The following ATP6V0D2 variants were observed in gnomAD, a reference collection of about 807,000 sequenced individuals.
ATP6V0D2 encodes V-type proton ATPase subunit d 2.
A neutral mutation model predicts 40.0 loss-of-function variants in ATP6V0D2; 40 were observed. That is an observed-to-expected ratio of 1.00 (90% CI 0.78 to 1.30). The LOEUF (loss-of-function observed/expected upper bound fraction) is 1.30. Ranked by LOEUF, ATP6V0D2 falls within the 50% of genes most tolerant of loss-of-function variation. ATP6V0D2 has a pLI of 0.00. For missense variants in ATP6V0D2, 470 were observed against 423.1 expected, an observed-to-expected ratio of 1.11 and a Z score of -0.97; for synonymous variants, 179 against 156.3, an observed-to-expected ratio of 1.15 and a Z score of -1.08.
chr8:86,136,202 C>T (rs889487765), intron 2 of ATP6V0D2, among the ~76,000 whole-genome samples: 1 of 152,258 alleles, frequency 6.6e-6, no homozygotes, highest in East Asian at 1.9e-4. Flanking sequence ...TTGCTCATTG[C>T]AATATGGAGC....
Position 86,150,136 on chromosome 8 carries a change from A to T in ATP6V0D2, c.664A>T (p.Ile222Phe), listed in dbSNP as rs761740683. Residue 222 changes from isoleucine (I) to phenylalanine (F), a missense_variant, in exon 6 of 8, where the codon ATC becomes TTC. Physicochemically the swap from Ile to Phe is conservative, Grantham distance 21 (BLOSUM62 0). Transcript: ENST00000285393. ...GTTTGAGGCCGACAGACGTGCTTTTATCATCACTCTTAACTCCTTTGGCAC... is the reference window on the plus strand; with the variant it reads ...GTTTGAGGCCGACAGACGTGCTTTTTTCATCACTCTTAACTCCTTTGGCAC... Reference protein sequence around the residue: ...LEFEADRRAFIITLNSFGTEL... With the variant: ...LEFEADRRAFFITLNSFGTEL... 1.2e-6 allele frequency: 2 copies of T among 1,612,864 alleles called. No individual in the cohort carries two copies. The highest frequency in any genetic ancestry group is 1.7e-6 in the Non-Finnish European group (2 of 1,179,636).
chr8:86,126,262 A>ATATATATATATATATATATT (rs1191399026), intron 2 of ATP6V0D2, among the ~76,000 whole-genome samples: 5 of 131,338 alleles, frequency 3.8e-5, no homozygotes, highest in African/African-American at 1.1e-4. Flanking sequence ...ATATATATAT[A>ATATATATATATATATATATT]TCTTTTTGTA....
intron 2 of ATP6V0D2, among the ~76,000 whole-genome samples, chr8:86,135,007 C>T (rs1270703355): frequency 2.0e-5 from 3 of 151,424 alleles, no homozygotes; most frequent in East Asian, 2.0e-4. Context: ...AGAACTGATT[C>T]GCATTTTCTA....
chr8:86,139,343 A>G (rs921631644), intron 2 of ATP6V0D2, 114 bp from the exon 3 acceptor site: 5 of 799,192 alleles, frequency 6.3e-6, no homozygotes, highest in Non-Finnish European at 7.6e-6. Context: ...AAAGAGACTC[A>G]TGTATTTTCT....
At chr8:86,114,388 G>A (rs927049281) in intron 2 of ATP6V0D2, among the ~76,000 whole-genome samples, 8 of 152,152 alleles carry the variant, frequency 5.3e-5, no homozygotes, top group African/African-American at 1.9e-4. Context: ...CAAAATATTT[G>A]GGGCCGGGAG....
At chr8:86,149,998 C>CA (rs1008241607) in intron 5 of ATP6V0D2, 114 bp from the exon 6 acceptor site, 2 of 982,232 alleles carry the variant, frequency 2.0e-6, no homozygotes, top group African/African-American at 3.3e-5. Context: ...TATAATTAGA[C>CA]ATAGATCCAG....
At chr8:86,113,628 A>G in intron 1 of ATP6V0D2, 81 bp from the exon 2 acceptor site, 1 of 1,239,164 alleles carries the variant, frequency 8.1e-7, no homozygotes, top group Non-Finnish European at 1.1e-6. Context: ...ACACAAAATT[A>G]GCATGAATTC....
At chr8:86,105,616 C>CTTTTTTTTTTTTTTTTT (rs1401385712) in intron 1 of ATP6V0D2, among the ~76,000 whole-genome samples, 1 of 131,170 alleles carries the variant, frequency 7.6e-6, no homozygotes. Context: ...CTTCTTTTTT[C>CTTTTTTTTTTTTTTTTT]TTTTCTTTTT....
At chr8:86,132,261 C>A (rs542118300) in intron 2 of ATP6V0D2, among the ~76,000 whole-genome samples, 1 of 151,790 alleles carries the variant, frequency 6.6e-6, no homozygotes, top group East Asian at 1.9e-4. Context: ...TTTTTTTTTA[C>A]AGTTATAGAA....
chr8:86,116,374 C>T (rs1486251577), intron 2 of ATP6V0D2, among the ~76,000 whole-genome samples: 3 of 152,026 alleles, frequency 2.0e-5, no homozygotes, highest in African/African-American at 7.3e-5. Context: ...GACTGTCATT[C>T]TTTTTATTTT....
At chr8:86,126,689 T>G (rs1237527373) in intron 2 of ATP6V0D2, among the ~76,000 whole-genome samples, 1 of 152,052 alleles carries the variant, frequency 6.6e-6, no homozygotes, top group African/African-American at 2.4e-5. Context: ...AAAAAAGATA[T>G]CACCTCTAGC....
At chr8:86,143,878 G>A (rs1341365625) in intron 5 of ATP6V0D2, among the ~76,000 whole-genome samples, 1 of 152,026 alleles carries the variant, frequency 6.6e-6, no homozygotes, top group East Asian at 1.9e-4. Context: ...ATTCCCTCTG[G>A]TGAGGGAACA....
At chr8:86,144,138 C>T (rs2721251) in intron 5 of ATP6V0D2, among the ~76,000 whole-genome samples, 131,027 of 152,156 alleles carry the variant, frequency 0.86, 56,601 homozygotes, top group Middle Eastern at 0.91. Context: ...TTAAGGACCA[C>T]AGATTTCATC....
chr8:86,145,369 G>A (rs1260496894), intron 5 of ATP6V0D2, among the ~76,000 whole-genome samples: 47 of 61,374 alleles, frequency 7.7e-4, no homozygotes, highest in East Asian at 4.4e-3. Flanking sequence ...AAGGAAGGAA[G>A]GAAGGAAAGA....
chr8:86,147,241 C>A (rs1441737079), intron 5 of ATP6V0D2, among the ~76,000 whole-genome samples: 1 of 152,180 alleles, frequency 6.6e-6, no homozygotes, highest in Non-Finnish European at 1.5e-5. Flanking sequence ...CTGCCAGGTG[C>A]ACCCTTCTTC....
chr8:86,124,541 G>A (rs1365534837), intron 2 of ATP6V0D2, among the ~76,000 whole-genome samples: 1 of 152,160 alleles, frequency 6.6e-6, no homozygotes, highest in Non-Finnish European at 1.5e-5. Context: ...TGATACAGGT[G>A]AGAAATTCTT....
Position 86,153,031 on chromosome 8 carries a change from G to A in ATP6V0D2, c.*54G>A. On this transcript the variant is annotated 3_prime_UTR_variant, in exon 8 of 8. Transcript: ENST00000285393. ...TTATAAATGTTAAAAGGAAGTTATT[G>A]AAGAAAATAAAAGAAATTATGTTAT... 7.0e-7 allele frequency: 1 copy of A among 1,437,244 alleles called. No individual in the cohort carries two copies. Among genetic ancestry groups the A allele is most frequent in the Non-Finnish European group, 9.3e-7 (1 of 1,077,778 alleles). The allele number at this position is 1,437,244 out of a possible 1,614,324, so 89.0% of individuals were successfully genotyped here.
chr8:86,152,105 A>G (rs1819163246), intron 7 of ATP6V0D2, among the ~76,000 whole-genome samples: 1 of 150,644 alleles, frequency 6.6e-6, no homozygotes, highest in Admixed American at 6.6e-5. Context: ...CCAGTGTGTG[A>G]TGTTCCCCTC....
intron 7 of ATP6V0D2, 146 bp downstream of exon 7, chr8:86,151,686 C>A: frequency 3.3e-6 from 2 of 608,592 alleles, no homozygotes; most frequent in South Asian, 2.2e-5. Flanking sequence ...TGTATTATTG[C>A]TACAAAGTTA....
Sources: gnomAD v4.1 joint callset for allele counts (sites outside exome capture counted in the v4.1 genomes callset) on GRCh38, gnomAD v4.1.1 for gene constraint, MANE v1.5 for transcripts, NCBI Gene and HGNC (gene_info 2026-07-23, HGNC 2026-07-21) for gene names.